The following EPHA7 variants were observed in gnomAD, a reference collection of about 807,000 sequenced individuals.
The protein encoded by EPHA7 is ephrin type-A receptor 7.
A neutral mutation model predicts 112.6 loss-of-function variants in EPHA7; 25 were observed. That is an observed-to-expected ratio of 0.22 (90% confidence interval 0.16 to 0.31). The LOEUF is 0.31. Ranked by LOEUF, EPHA7 falls within the 10% of genes least tolerant of loss-of-function variation. The pLI is 1.00. For missense variants in EPHA7, 962 were observed against 1,212.6 expected, an observed-to-expected ratio of 0.79 and a Z score of 3.07; for synonymous variants, 437 against 406.5, an observed-to-expected ratio of 1.07 and a Z score of -0.90.
At chr6:93,378,016 T>G (rs1204429126) in intron 3 of EPHA7, among the ~76,000 whole-genome samples, 1 of 146,346 alleles carries the variant, frequency 6.8e-6, no homozygotes, top group Non-Finnish European at 1.5e-5. Flanking sequence ...AATAAAGCAT[T>G]AGGTGTTATG....
chr6:93,343,152 A>G (rs185320776), intron 5 of EPHA7, among the ~76,000 whole-genome samples: 86 of 151,810 alleles, frequency 5.7e-4, no homozygotes, highest in Admixed American at 5.3e-3. Context: ...AAACTTGAAA[A>G]ACATCCAAAA....
chr6:93,277,600 T>C (rs551219886), intron 5 of EPHA7, among the ~76,000 whole-genome samples: 2 of 152,124 alleles, frequency 1.3e-5, no homozygotes, highest in South Asian at 2.1e-4. Flanking sequence ...GCATGATCTG[T>C]AGTTAAAACC....
At position 93,410,426 on chromosome 6, in the gene EPHA7, A is replaced by G; in HGVS notation, c.832+75T>C. On this transcript the variant is annotated intron_variant, in intron 3 of 16. Transcript: ENST00000369303. The surrounding 1 kb of genome is among the most constrained non-coding windows in gnomAD (Gnocchi z 4.0). ...CAGAGCAGATTCACGTATTCAAATA[A>G]CTATTAAAGTTTAAAATGTCTGATA... 1 of 1,336,398 alleles carries G rather than the reference A, an allele frequency of 7.5e-7. No homozygotes were observed. Among genetic ancestry groups the G allele is most frequent in the South Asian group, 1.4e-5 (1 of 72,676 alleles). 82.8% of individuals were successfully genotyped at this position (1,336,398 alleles called of 1,614,324 possible).
At chr6:93,402,686 T>C (rs1440347371) in intron 3 of EPHA7, among the ~76,000 whole-genome samples, 1 of 152,050 alleles carries the variant, frequency 6.6e-6, no homozygotes, top group Admixed American at 6.6e-5. Context: ...TAGGGTAATA[T>C]TAGCTTAGGG....
intron 5 of EPHA7, among the ~76,000 whole-genome samples, chr6:93,307,622 C>G (rs1447262608): frequency 1.3e-5 from 2 of 152,080 alleles, no homozygotes; most frequent in Admixed American, 1.3e-4. Context: ...CTTAGGCTGA[C>G]TAATACAGAT....
chr6:93,378,825 A>G (rs1462902323), intron 3 of EPHA7, among the ~76,000 whole-genome samples: 1 of 152,152 alleles, frequency 6.6e-6, no homozygotes, highest in Non-Finnish European at 1.5e-5. Flanking sequence ...CTAGTAAATT[A>G]TGGTGCTTCA....
intron 3 of EPHA7, among the ~76,000 whole-genome samples, chr6:93,404,235 A>T (rs1005461256): frequency 6.6e-6 from 1 of 152,122 alleles, no homozygotes; most frequent in African/African-American, 2.4e-5. Flanking sequence ...AACTGGAATC[A>T]AAAAGAGAAT....
intron 3 of EPHA7, among the ~76,000 whole-genome samples, chr6:93,368,310 T>G (rs2127957181): frequency 6.6e-6 from 1 of 152,276 alleles, no homozygotes; most frequent in South Asian, 2.1e-4. Context: ...TCACCTTTCC[T>G]GCCAAAGCTG....
chr6:93,416,849 A>G (rs916402771), intron 1 of EPHA7, among the ~76,000 whole-genome samples: 1 of 151,954 alleles, frequency 6.6e-6, no homozygotes, highest in Non-Finnish European at 1.5e-5. Flanking sequence ...CCGCGCGGGC[A>G]AAGGCTGGCG....
chr6:93,301,725 C>T (rs773990766), intron 5 of EPHA7, among the ~76,000 whole-genome samples: 1 of 152,162 alleles, frequency 6.6e-6, no homozygotes, highest in Non-Finnish European at 1.5e-5. Context: ...CCCTTGCTCC[C>T]TATACTTACA....
intron 5 of EPHA7, among the ~76,000 whole-genome samples, chr6:93,339,411 G>A (rs1775033472): frequency 6.6e-6 from 1 of 151,872 alleles, no homozygotes; most frequent in South Asian, 2.1e-4. Flanking sequence ...CTTTGCCACA[G>A]TTAAATTTAT....
intron 3 of EPHA7, among the ~76,000 whole-genome samples, chr6:93,361,474 G>A (rs1028332156): frequency 2.0e-5 from 3 of 151,936 alleles, no homozygotes; most frequent in Admixed American, 2.0e-4. Context: ...ATTGTGATAA[G>A]ATATCTACAC....
chr6:93,262,817 C>T (rs973365023), intron 9 of EPHA7, among the ~76,000 whole-genome samples: 1 of 151,054 alleles, frequency 6.6e-6, no homozygotes, highest in South Asian at 2.1e-4. Flanking sequence ...CACACATTGT[C>T]ATTTGAGCTT....
chr6:93,378,637 G>T (rs1419893785), intron 3 of EPHA7, among the ~76,000 whole-genome samples: 1 of 152,036 alleles, frequency 6.6e-6, no homozygotes, highest in African/African-American at 2.4e-5. Context: ...ATTTACAATT[G>T]CAAGTAGGGT....
intron 3 of EPHA7, among the ~76,000 whole-genome samples, chr6:93,365,771 A>G (rs569419812): frequency 6.6e-6 from 1 of 152,344 alleles, no homozygotes; most frequent in Non-Finnish European, 1.5e-5. Context: ...CATGCAGAAT[A>G]TAAAGTTTTT....
chr6:93,315,847 G>C (rs184944581), intron 5 of EPHA7, among the ~76,000 whole-genome samples: 1 of 152,218 alleles, frequency 6.6e-6, no homozygotes, highest in Admixed American at 6.5e-5. Context: ...CACTCTCAGT[G>C]TTTGATCCTC....
intron 3 of EPHA7, among the ~76,000 whole-genome samples, chr6:93,387,938 G>GATAC (rs1777701680): frequency 6.6e-6 from 1 of 151,260 alleles, no homozygotes. Context: ...TAGATAGATA[G>GATAC]ATAGATAGAT....
chr6:93,368,681 T>C (rs1388879046), intron 3 of EPHA7, among the ~76,000 whole-genome samples: 1 of 152,206 alleles, frequency 6.6e-6, no homozygotes, highest in East Asian at 1.9e-4. Flanking sequence ...TAATTTCATC[T>C]TAATTTCCTA....
Position 93,243,313 on chromosome 6 carries a change from T to G in EPHA7, c.*113A>C. On this transcript the variant is annotated 3_prime_UTR_variant, in exon 17 of 17. Coordinates refer to ENST00000369303, the MANE Select transcript of EPHA7 (RefSeq NM_004440.4). Reference sequence around the variant, plus strand: ...GGTGCTTCTTAAATCTTCTCTTCACTGTTGGAAGGACCCAGGACATCACTT... The same window carrying G: ...GGTGCTTCTTAAATCTTCTCTTCACGGTTGGAAGGACCCAGGACATCACTT... 1.4e-6 allele frequency: 1 copy of G among 691,070 alleles called. No homozygotes were observed. Among genetic ancestry groups the G allele is most frequent in the Non-Finnish European group, 2.4e-6 (1 of 413,552 alleles). 42.8% of individuals were successfully genotyped at this position (691,070 alleles called of 1,614,324 possible). A position where few individuals can be genotyped will look rare whatever the true frequency, so the allele number is the denominator to read the frequency against.
Sources: allele counts gnomAD v4.1 joint callset (sites outside exome capture counted in the v4.1 genomes callset), GRCh38; gene constraint gnomAD v4.1.1; non-coding constraint Gnocchi (gnomAD v3.1); transcripts MANE v1.5; gene names NCBI Gene and HGNC (gene_info 2026-07-23, HGNC 2026-07-21).